The following FBP2 variants were observed in gnomAD, a reference collection of about 807,000 sequenced individuals.
FBP2 encodes the protein fructose-1,6-bisphosphatase isozyme 2.
FBP2 carries 27 observed loss-of-function variants against 31.6 expected under a neutral mutation model. The observed-to-expected ratio is 0.85, with a 90% CI of 0.63 to 1.18. FBP2 has a LOEUF of 1.18. Among genes scored for constraint, FBP2 ranks in the 50% most tolerant of loss-of-function variants. The pLI is 0.00. For synonymous variants in FBP2, 168 were observed against 179.8 expected (o/e 0.93, Z 0.53); for missense variants, 421 against 436.1 (o/e 0.97, Z 0.31).
intron 2 of FBP2, among the ~76,000 whole-genome samples, chr9:94,587,009 C>T (rs976536578): frequency 1.3e-5 from 2 of 152,160 alleles, no homozygotes; most frequent in Non-Finnish European, 2.9e-5. Flanking sequence ...CAAGGTTAAG[C>T]CCCCAAAAAT....
At chr9:94,565,385 A>AAAAAAAAAAG in intron 5 of FBP2, among the ~76,000 whole-genome samples, 1 of 134,916 alleles carries the variant, frequency 7.4e-6, no homozygotes. Context: ...AAAAAAAAAA[A>AAAAAAAAAAG]AGATGTTCCC....
In FBP2 at chr9:94,571,469, A is replaced by G. The variant is rs200434975; in HGVS notation, c.560T>C (p.Leu187Pro). 51 of 1,611,866 alleles carry G rather than the reference A, an allele frequency of 3.2e-5. No homozygotes were observed. In the African/African-American group the frequency reaches 6.3e-4, roughly 20 times the overall value. ...GCCATATTCTGTACCTACCGGGTCA[A>G]GCATGAAGAGGTCCACGCCTTGCCC... ...STGQGVDLFMLDPALGEFVLV... is the reference protein window; with the variant it reads ...STGQGVDLFMPDPALGEFVLV... Residue 187 changes from leucine (L) to proline (P), a missense_variant, in exon 4 of 7, where the codon CTT becomes CCT. Physicochemically the swap from Leu to Pro is moderately conservative, Grantham distance 98. Coordinates refer to ENST00000375337, the MANE Select transcript of FBP2 (RefSeq NM_003837.4).
chr9:94,563,165 C>T (rs1416849317), intron 6 of FBP2, among the ~76,000 whole-genome samples, 177 bp downstream of exon 6: 1 of 152,214 alleles, frequency 6.6e-6, no homozygotes, highest in Non-Finnish European at 1.5e-5. Context: ...CCTTCTTCTT[C>T]AAACCTCCCA....
intron 3 of FBP2, among the ~76,000 whole-genome samples, chr9:94,583,012 C>G (rs1018201651): frequency 3.9e-5 from 6 of 152,046 alleles, no homozygotes; most frequent in African/African-American, 1.4e-4. Context: ...CGCCACTATG[C>G]CCAGCTAATT....
intron 1 of FBP2, among the ~76,000 whole-genome samples, chr9:94,590,179 T>G (rs999375610): frequency 4.6e-5 from 7 of 152,024 alleles, no homozygotes; most frequent in South Asian, 2.1e-4. Context: ...TCACCTGAGA[T>G]GATGGGGGAA....
chr9:94,570,169 G>A (rs1827252003), intron 4 of FBP2: 1 of 152,196 alleles, frequency 6.6e-6, no homozygotes, highest in African/African-American at 2.4e-5. Context: ...AGAAAACAGA[G>A]GCTCTGTCTG....
chr9:94,578,527 T>C (rs1326539120), intron 3 of FBP2, among the ~76,000 whole-genome samples: 1 of 152,092 alleles, frequency 6.6e-6, no homozygotes, highest in African/African-American at 2.4e-5. Context: ...GCTTATTGGA[T>C]GTCTGGTTTA....
chr9:94,561,847 G>A (rs2131440615), intron 6 of FBP2, among the ~76,000 whole-genome samples: 1 of 152,318 alleles, frequency 6.6e-6, no homozygotes, highest in South Asian at 2.1e-4. Flanking sequence ...TGGTGGTTAT[G>A]CGCAGCAAAC....
intron 6 of FBP2, 136 bp from the exon 7 acceptor site, chr9:94,559,268 G>C: frequency 1.4e-6 from 1 of 703,890 alleles, no homozygotes; most frequent in Non-Finnish European, 2.3e-6. Flanking sequence ...CACCTTGCAA[G>C]AGTGGGCCCG....
intron 3 of FBP2, among the ~76,000 whole-genome samples, chr9:94,582,568 G>T (rs1329858663): frequency 7.9e-5 from 10 of 126,636 alleles, no homozygotes; most frequent in African/African-American, 3.2e-4. Flanking sequence ...TTTTTTTTGA[G>T]ACGGAGTCTC....
At chr9:94,569,629 CCAA>C (rs1164759933) in intron 4 of FBP2, 2 of 152,146 alleles carry the variant, frequency 1.3e-5, no homozygotes, top group African/African-American at 2.4e-5. Flanking sequence ...TGTGTGGTCA[CCAA>C]CAACGGCTGA....
At chr9:94,564,755 C>A (rs1827161761) in intron 5 of FBP2, among the ~76,000 whole-genome samples, 1 of 152,160 alleles carries the variant, frequency 6.6e-6, no homozygotes, top group East Asian at 1.9e-4. Context: ...ACAGCAAACC[C>A]CCATGACAGG....
At chr9:94,587,597 C>G (rs1827442987) in intron 1 of FBP2, 128 bp from the exon 2 acceptor site, 1 of 809,400 alleles carries the variant, frequency 1.2e-6, no homozygotes, top group Admixed American at 2.3e-5. Context: ...CCAAGTCACA[C>G]GTGCAGAAGA....
chr9:94,584,100 C>A (rs746805785), intron 3 of FBP2, among the ~76,000 whole-genome samples: 9 of 152,138 alleles, frequency 5.9e-5, no homozygotes, highest in Non-Finnish European at 1.3e-4. Context: ...CATTACATGG[C>A]AACAAAGACT....
In FBP2 at chr9:94,593,705, C is replaced by A. The variant is rs758106624; in HGVS notation, c.22G>T (p.Glu8Ter). The A allele has an allele frequency of 6.2e-7, 1 of 1,614,036 alleles. No individual in the cohort carries two copies. Among genetic ancestry groups the A allele is most frequent in the East Asian group, 2.2e-5 (1 of 44,902 alleles). ...CGGGTCAGGGTGAGCATGTCGGTTTCGAAGGGGCTTCTGTCCGTCATTTTG... is the reference window on the plus strand; with the variant it reads ...CGGGTCAGGGTGAGCATGTCGGTTTAGAAGGGGCTTCTGTCCGTCATTTTG... The part of the protein sequence containing the change: MTDRSPF[E>*]TDMLTLTRYV... Residue 8 changes from glutamate to a stop codon, truncating the protein, a stop_gained, in exon 1 of 7, where the codon GAA (glutamate) becomes TAA (stop). Coordinates refer to ENST00000375337, the MANE Select transcript of FBP2 (RefSeq NM_003837.4). LOFTEE classifies it high-confidence loss of function.
chr9:94,592,140 A>G (rs1030309711), intron 1 of FBP2, among the ~76,000 whole-genome samples: 18 of 152,338 alleles, frequency 1.2e-4, no homozygotes, highest in African/African-American at 4.3e-4. Context: ...CCACAGGAGC[A>G]GAACAGGGCA....
At chr9:94,584,074 A>G (rs1827399726) in intron 3 of FBP2, among the ~76,000 whole-genome samples, 2 of 152,202 alleles carry the variant, frequency 1.3e-5, no homozygotes. Flanking sequence ...AGTCCCCAGG[A>G]TCTGTGAATA....
Position 94,590,682 on chromosome 9 carries a change from C to G in FBP2, c.170+2875G>C, listed in dbSNP as rs536494110. On this transcript the variant is annotated intron_variant, in intron 1 of 6. Transcript: ENST00000375337. ...CGTGGACCCAAAGAGTGAGCAGCAG[C>G]AAGAGCGAAAGAACAAAGCCTCCAC... Among the ~76,000 whole-genome samples the G allele has an allele frequency of 4.6e-5, 7 of 152,268 alleles. No individual in the cohort carries two copies. The South Asian group carries it at 1.5e-3, about 32-fold the overall frequency.
At chr9:94,590,411 G>GA (rs139553101) in intron 1 of FBP2, among the ~76,000 whole-genome samples, 2,642 of 151,952 alleles carry the variant, frequency 0.017, 77 homozygotes, top group African/African-American at 0.059. Context: ...GCCCTTGCTA[G>GA]AAAGATCTCC....
Sources: allele counts gnomAD v4.1 joint callset (sites outside exome capture counted in the v4.1 genomes callset), GRCh38; gene constraint gnomAD v4.1.1; transcripts MANE v1.5; gene names NCBI Gene and HGNC (gene_info 2026-07-23, HGNC 2026-07-21).